AGBL1: variants seen among roughly 807,000 people sequenced by gnomAD.
AGBL1 encodes AGBL carboxypeptidase 1, also known as cytosolic carboxypeptidase 4.
Under a neutral mutation model 118.9 loss-of-function variants are expected in AGBL1, and 130 were observed. The observed-to-expected ratio is 1.09, with a 90% CI of 0.95 to 1.26. The LOEUF (loss-of-function observed/expected upper bound fraction) is 1.26. Among genes scored for constraint, AGBL1 ranks in the 50% most tolerant of loss-of-function variants. The pLI, the probability that AGBL1 is intolerant of heterozygous loss-of-function variation, is 0.00. For synonymous variants in AGBL1, 555 were observed against 478.9 expected (o/e 1.16, Z -2.08); for missense variants, 1,584 against 1,298.1 (o/e 1.22, Z -3.38).
rs183187758 is a variant in AGBL1, at chr15:86,091,711, T to C, written c.51+11688T>C. On this transcript the variant is annotated intron_variant, in intron 1 of 22. Transcript: ENST00000614907. ...TTTTCCCAGGTATACACTTCTTGGG[T>C]TTTGTCTCAGCGAATGAAGCTCTTA... Among the ~76,000 whole-genome samples, 499 of 152,232 alleles carry C rather than the reference T, an allele frequency of 3.3e-3. 16 individuals carry two copies. The South Asian group carries it at 0.066, about 20-fold the overall frequency.
At chr15:86,111,584 G>C (rs1187987729) in intron 1 of AGBL1, among the ~76,000 whole-genome samples, 1 of 152,192 alleles carries the variant, frequency 6.6e-6, no homozygotes, top group Non-Finnish European at 1.5e-5. Context: ...GAGTGGGATA[G>C]AGGTATTTGG....
intron 18 of AGBL1, among the ~76,000 whole-genome samples, chr15:86,435,687 G>T (rs1203696514): frequency 6.6e-6 from 1 of 152,098 alleles, no homozygotes; most frequent in African/African-American, 2.4e-5. Context: ...GGGCTCTGGA[G>T]CCAGAATTCT....
chr15:86,588,410 C>G (rs1213905724), intron 21 of AGBL1, among the ~76,000 whole-genome samples: 1 of 152,198 alleles, frequency 6.6e-6, no homozygotes, highest in Admixed American at 6.5e-5. Context: ...CTCCCCACTC[C>G]TGCCCCTACC....
intron 19 of AGBL1, among the ~76,000 whole-genome samples, chr15:86,535,347 A>T (rs1453886664): frequency 6.6e-6 from 1 of 152,232 alleles, no homozygotes; most frequent in Non-Finnish European, 1.5e-5. Flanking sequence ...AAGGAGGCAG[A>T]TGAGGACAGT....
chr15:86,795,014 C>A (rs886688281), intron 22 of AGBL1, among the ~76,000 whole-genome samples: 2 of 145,236 alleles, frequency 1.4e-5, no homozygotes, highest in Non-Finnish European at 2.9e-5. Flanking sequence ...AAATAAGAGA[C>A]CCAGCACCCT....
At chr15:86,223,054 G>A (rs1374637087) in intron 5 of AGBL1, among the ~76,000 whole-genome samples, 2 of 152,154 alleles carry the variant, frequency 1.3e-5, no homozygotes, top group Admixed American at 6.6e-5. Context: ...ACTTTGAGTA[G>A]CAAGATTCAA....
At chr15:86,863,048 C>T (rs2079580292) in intron 22 of AGBL1, among the ~76,000 whole-genome samples, 1 of 152,074 alleles carries the variant, frequency 6.6e-6, no homozygotes, top group Non-Finnish European at 1.5e-5. Context: ...CACGTGCTAC[C>T]ATGCTGCAGG....
chr15:86,746,898 A>G (rs187429306), intron 22 of AGBL1, among the ~76,000 whole-genome samples: 2 of 152,198 alleles, frequency 1.3e-5, no homozygotes, highest in Admixed American at 1.3e-4. Context: ...ACCCTATTAC[A>G]TGGTGACCTA....
chr15:87,001,514 C>A (rs1470859791), intron 24 of AGBL1, among the ~76,000 whole-genome samples: 2 of 152,020 alleles, frequency 1.3e-5, no homozygotes, highest in Admixed American at 6.6e-5. Context: ...ATGGCTGGGA[C>A]AAATGGTATT....
chr15:86,322,190 C>T (rs1034379136), intron 17 of AGBL1, among the ~76,000 whole-genome samples: 1 of 151,390 alleles, frequency 6.6e-6, no homozygotes, highest in Non-Finnish European at 1.5e-5. Context: ...CTATTTGAAT[C>T]TTATATATCT....
At chr15:86,610,926 C>T (rs2084646209) in intron 21 of AGBL1, among the ~76,000 whole-genome samples, 1 of 152,130 alleles carries the variant, frequency 6.6e-6, no homozygotes, top group Non-Finnish European at 1.5e-5. Context: ...GCTTCATTGT[C>T]ACCTGGGAAA....
chr15:86,409,042 T>TA (rs2081575156), intron 18 of AGBL1, among the ~76,000 whole-genome samples: 1 of 152,198 alleles, frequency 6.6e-6, no homozygotes, highest in African/African-American at 2.4e-5. Flanking sequence ...TATTTAAATT[T>TA]TAAAAAATAT....
intron 22 of AGBL1, among the ~76,000 whole-genome samples, chr15:86,767,280 A>G (rs565398147): frequency 1.3e-5 from 2 of 152,070 alleles, no homozygotes; most frequent in South Asian, 2.1e-4. Context: ...CATTCTGATC[A>G]TGTGTTCATG....
intron 21 of AGBL1, among the ~76,000 whole-genome samples, chr15:86,567,540 T>C (rs1014488513): frequency 1.3e-5 from 2 of 152,326 alleles, no homozygotes; most frequent in African/African-American, 2.4e-5. Flanking sequence ...TTCTCCAAGA[T>C]TGCTGAATTT....
intron 23 of AGBL1, among the ~76,000 whole-genome samples, chr15:86,967,936 T>C (rs1207652203): frequency 2.0e-5 from 3 of 152,144 alleles, no homozygotes; most frequent in African/African-American, 4.8e-5. Flanking sequence ...ATTTTCACGA[T>C]ATTGATTCTT....
chr15:86,083,123 G>T (rs1390301454), intron 1 of AGBL1, among the ~76,000 whole-genome samples: 1 of 152,158 alleles, frequency 6.6e-6, no homozygotes, highest in African/African-American at 2.4e-5. Context: ...CAGTGGAGAG[G>T]CTGGGAACAC....
chr15:86,433,238 CCTT>C (rs2081958134), intron 18 of AGBL1, among the ~76,000 whole-genome samples: 4 of 147,934 alleles, frequency 2.7e-5, no homozygotes, highest in Admixed American at 2.0e-4. Context: ...TTCTCCTCCT[CCTT>C]CTCCTCCTCC....
intron 22 of AGBL1, among the ~76,000 whole-genome samples, chr15:86,739,136 G>T (rs906614097): frequency 6.6e-6 from 1 of 151,944 alleles, no homozygotes; most frequent in African/African-American, 2.4e-5. Flanking sequence ...ACAGAAGCAA[G>T]ACCCTGTTTC....
At chr15:86,296,061 C>A (rs1295943888) in intron 17 of AGBL1, 1 of 152,198 alleles carries the variant, frequency 6.6e-6, no homozygotes, top group Non-Finnish European at 1.5e-5. Flanking sequence ...CAAACATATA[C>A]ACAGATGTGT....
Sources: allele counts gnomAD v4.1 joint callset (sites outside exome capture counted in the v4.1 genomes callset), GRCh38; gene constraint gnomAD v4.1.1; transcripts MANE v1.5; gene names NCBI Gene and HGNC (gene_info 2026-07-23, HGNC 2026-07-21).